ERC2: variants seen among roughly 807,000 people sequenced by gnomAD.
ERC2 encodes ERC protein 2.
In ERC2, 42 loss-of-function variants were observed where a neutral mutation model predicts 114.8. The ratio of observed to expected loss-of-function variants is 0.37; its 90% CI spans 0.29 to 0.47. The LOEUF is 0.47. ERC2 is among the 20% of genes least tolerant of loss of function. ERC2 has a pLI of 0.99. For synonymous variants in ERC2, 454 were observed against 425.5 expected, an observed-to-expected ratio of 1.07 and a Z score of -0.82; for missense variants, 939 against 1,150.7, an observed-to-expected ratio of 0.82 and a Z score of 2.66.
chr3:55,775,767 T>C (rs1266499275), intron 14 of ERC2, among the ~76,000 whole-genome samples: 1 of 152,124 alleles, frequency 6.6e-6, no homozygotes, highest in African/African-American at 2.4e-5. Context: ...TTCCTAATCC[T>C]CTGATTTTTA....
At chr3:55,987,677 G>A (rs185871728) in intron 11 of ERC2, among the ~76,000 whole-genome samples, 2 of 152,258 alleles carry the variant, frequency 1.3e-5, no homozygotes, top group Admixed American at 1.3e-4. Flanking sequence ...AAGGCATCAA[G>A]GAAATTATGT....
rs142695265 is a variant in ERC2, at chr3:55,549,886, T to TTC, written c.*40-38612_*40-38611dup. On this transcript the variant is annotated intron_variant, in intron 17 of 17. Transcript: ENST00000288221. ...CTGCTTCTGGTCACCACCACCTCCT[T>TTC]TCTCTCTCTCTCTCTGCCCCCAACC... Among the ~76,000 whole-genome samples, 6 of 147,872 alleles carry TTC rather than the reference T, an allele frequency of 4.1e-5. No individual in the cohort carries two copies. The South Asian group carries it at 8.6e-4, about 21-fold the overall frequency.
rs138594856 is a variant in ERC2, at chr3:56,404,985, G to A, written c.657+29366C>T. ...TGGATAGGACTTCAACATGTGGGTG[G>A]GAAGGTTTGGGAGAATAGTCCTGGC... On this transcript the variant is annotated intron_variant, in intron 2 of 17. Transcript: ENST00000288221. 4.2e-3 allele frequency among the ~76,000 whole-genome samples: 646 copies of A among 152,220 alleles called. 3 individuals are homozygous for A. Among genetic ancestry groups the A allele is most frequent in the Non-Finnish European group, 3.5e-3 (240 of 68,028 alleles).
At chr3:55,962,921 T>C (rs1485389015) in intron 12 of ERC2, among the ~76,000 whole-genome samples, 1 of 152,242 alleles carries the variant, frequency 6.6e-6, no homozygotes, top group Non-Finnish European at 1.5e-5. Context: ...CAGGATACTA[T>C]GTCTGTTCTG....
In ERC2 at chr3:56,348,544, T is replaced by G. The variant is rs973057524; in HGVS notation, c.658-52109A>C. ...TACTACAATATTTAATATTTAATAA[T>G]TATGTATTTATAAATTAAATATATA... is the stretch of plus-strand genomic sequence containing the variant. On this transcript the variant is annotated intron_variant, in intron 2 of 17. Transcript: ENST00000288221. Among the ~76,000 whole-genome samples, 5 of 148,894 alleles carry G rather than the reference T, an allele frequency of 3.4e-5. No individual in the cohort carries two copies. In the Admixed American group the frequency reaches 3.4e-4, roughly 10 times the overall value.
At chr3:56,325,454 A>T (rs912563586) in intron 2 of ERC2, among the ~76,000 whole-genome samples, 4 of 148,894 alleles carry the variant, frequency 2.7e-5, no homozygotes, top group Admixed American at 6.7e-5. Context: ...TCAAAAAAAT[A>T]AAAAAAAAAC....
intron 14 of ERC2, among the ~76,000 whole-genome samples, chr3:55,779,452 G>C (rs545796481): frequency 6.6e-6 from 1 of 151,578 alleles, no homozygotes; most frequent in East Asian, 1.9e-4. Context: ...AGTGAGCCGA[G>C]ATTGCGCTAC....
chr3:55,798,764 G>A (rs2070732653), intron 14 of ERC2, among the ~76,000 whole-genome samples: 1 of 152,000 alleles, frequency 6.6e-6, no homozygotes, highest in Non-Finnish European at 1.5e-5. Flanking sequence ...CAAGGATGAG[G>A]GTAAAAGAAG....
intron 2 of ERC2, among the ~76,000 whole-genome samples, chr3:56,400,583 T>C (rs2060484133): frequency 6.6e-6 from 1 of 152,206 alleles, no homozygotes; most frequent in South Asian, 2.1e-4. Flanking sequence ...TTGACTGTAA[T>C]GAATTAAAAG....
chr3:56,201,087 C>T (rs759377660), intron 3 of ERC2, among the ~76,000 whole-genome samples: 41 of 152,264 alleles, frequency 2.7e-4, no homozygotes, highest in Non-Finnish European at 5.3e-4. Flanking sequence ...GCTGTCTCAT[C>T]CCACCTCATC....
At chr3:56,336,486 C>T (rs898540873) in intron 2 of ERC2, among the ~76,000 whole-genome samples, 2 of 152,126 alleles carry the variant, frequency 1.3e-5, no homozygotes, top group African/African-American at 4.8e-5. Context: ...GATGGACCAG[C>T]TGGCCAGTAG....
At chr3:56,275,450 C>T (rs1213521001) in intron 3 of ERC2, among the ~76,000 whole-genome samples, 1 of 152,120 alleles carries the variant, frequency 6.6e-6, no homozygotes, top group African/African-American at 2.4e-5. Context: ...TTTCTTAGTC[C>T]CATTTTAACA....
intron 14 of ERC2, among the ~76,000 whole-genome samples, chr3:55,754,670 AAATG>A (rs2066937874): frequency 6.6e-6 from 1 of 151,448 alleles, no homozygotes; most frequent in South Asian, 2.1e-4. Flanking sequence ...ATGATCAAAT[AAATG>A]AAAGTCCTAT....
intron 1 of ERC2, among the ~76,000 whole-genome samples, chr3:56,463,656 T>C (rs938408533): frequency 2.0e-5 from 3 of 152,210 alleles, no homozygotes; most frequent in Admixed American, 6.5e-5. Context: ...CTATAAATAC[T>C]AGTGTTATAA....
rs71096498 is a variant in ERC2 at position 55,729,837 on chromosome 3, C to CAAAAAAAAAAAAAAAAAAAA, written c.2712+4914_2712+4933dup. Among the ~76,000 whole-genome samples the CAAAAAAAAAAAAAAAAAAAA allele has an allele frequency of 7.8e-4, 48 of 61,636 alleles. 16 individuals carry two copies. The highest frequency in any genetic ancestry group is 2.3e-3 in the East Asian group (4 of 1,746). The allele number at this position is 61,636 out of a possible 152,430, so 40.4% of individuals were successfully genotyped here. On this transcript the variant is annotated intron_variant, in intron 15 of 17. Coordinates refer to ENST00000288221, the MANE Select transcript of ERC2 (RefSeq NM_015576.3). ...AGGGTAATGCAGTGAGACTCTATCG[C>CAAAAAAAAAAAAAAAAAAAA]AAAAAAAAAAAAAAAAAAAAAAAAA...
intron 3 of ERC2, among the ~76,000 whole-genome samples, chr3:56,212,875 G>T (rs2049165897): frequency 6.6e-6 from 1 of 152,154 alleles, no homozygotes; most frequent in South Asian, 2.1e-4. Flanking sequence ...AATGGCATTT[G>T]CAGCAACCTG....
In ERC2 at chr3:56,007,340, G is replaced by T; in HGVS notation, c.1921-19C>A. On this transcript the variant is annotated intron_variant, in intron 9 of 17. Transcript: ENST00000288221. ...AACTAGACTGAAAGAGAAAGAATGTGAGTGAGTAAAACACTGAAATTTCTA... is the reference window on the plus strand; with the variant it reads ...AACTAGACTGAAAGAGAAAGAATGTTAGTGAGTAAAACACTGAAATTTCTA... 6.3e-7 allele frequency: 1 copy of T among 1,585,886 alleles called. No homozygotes were observed. The highest frequency in any genetic ancestry group is 1.2e-5 in the South Asian group (1 of 86,716).
chr3:56,204,645 G>T (rs1368194954), intron 3 of ERC2, among the ~76,000 whole-genome samples: 1 of 151,922 alleles, frequency 6.6e-6, no homozygotes, highest in Non-Finnish European at 1.5e-5. Context: ...TGGGATTACA[G>T]TCGTGTACCA....
chr3:56,215,696 C>T (rs1286613203), intron 3 of ERC2, among the ~76,000 whole-genome samples: 2 of 152,160 alleles, frequency 1.3e-5, no homozygotes, highest in Non-Finnish European at 2.9e-5. Flanking sequence ...ATACATTCTT[C>T]TCAACACCAC....
Sources: allele counts gnomAD v4.1 joint callset (sites outside exome capture counted in the v4.1 genomes callset), GRCh38; gene constraint gnomAD v4.1.1; transcripts MANE v1.5; gene names NCBI Gene and HGNC (gene_info 2026-07-23, HGNC 2026-07-21).